The following PARD3B variants were observed in gnomAD, a reference collection of about 807,000 sequenced individuals.
The protein encoded by PARD3B is partitioning defective 3 homolog B.
PARD3B carries 103 observed loss-of-function variants against 130.2 expected under a neutral mutation model. The ratio of observed to expected loss-of-function variants is 0.79; its 90% CI spans 0.67 to 0.93. The LOEUF (loss-of-function observed/expected upper bound fraction) is 0.93. PARD3B is among the 40% of genes least tolerant of loss of function. The probability of loss-of-function intolerance (pLI) is 0.00; values close to 1 mark genes in which losing one functional copy is unlikely to be tolerated. For missense variants in PARD3B, 1,609 were observed against 1,499.2 expected, an observed-to-expected ratio of 1.07 and a Z score of -1.21; for synonymous variants, 583 against 553.2, an observed-to-expected ratio of 1.05 and a Z score of -0.76.
intron 3 of PARD3B, among the ~76,000 whole-genome samples, chr2:204,965,855 G>A (rs938248560): frequency 6.6e-6 from 1 of 152,146 alleles, no homozygotes; most frequent in Admixed American, 6.5e-5. Context: ...TGTAGAATGA[G>A]AAAGTAAATA....
intron 1 of PARD3B, among the ~76,000 whole-genome samples, chr2:204,656,201 G>GA (rs1200736804): frequency 6.6e-6 from 1 of 152,170 alleles, no homozygotes; most frequent in Non-Finnish European, 1.5e-5. Context: ...AAGTGCTGCA[G>GA]AGTTGCATGG....
intron 20 of PARD3B, among the ~76,000 whole-genome samples, chr2:205,467,480 A>G (rs2048668617): frequency 6.6e-6 from 1 of 152,228 alleles, no homozygotes; most frequent in Non-Finnish European, 1.5e-5. Context: ...TAAATATTTC[A>G]ATAACCTCGT....
At chr2:204,936,721 A>G (rs1052760133) in intron 2 of PARD3B, among the ~76,000 whole-genome samples, 1 of 152,190 alleles carries the variant, frequency 6.6e-6, no homozygotes, top group Non-Finnish European at 1.5e-5. Flanking sequence ...TCTTGTTTTA[A>G]TATGAGTTTA....
At chr2:205,107,486 A>G (rs1179764401) in intron 5 of PARD3B, among the ~76,000 whole-genome samples, 1 of 152,226 alleles carries the variant, frequency 6.6e-6, no homozygotes, top group Non-Finnish European at 1.5e-5. Flanking sequence ...GCTAAATGAA[A>G]GGCTGAAGAA....
intron 4 of PARD3B, among the ~76,000 whole-genome samples, chr2:205,081,208 A>G (rs1701385178): frequency 6.6e-6 from 1 of 152,004 alleles, no homozygotes; most frequent in South Asian, 2.1e-4. Context: ...AATCATAAGC[A>G]TATTCTTTCC....
In PARD3B at chr2:205,187,140, A is replaced by G. The variant is rs2036148271; in HGVS notation, c.2024+1277A>G. ...GGCAGAGGAGAATGCCTCCAGATAA[A>G]GGAATCAGGGAAAATACTATGGTAA... On this transcript the variant is annotated intron_variant, in intron 14 of 22. Transcript: ENST00000406610. The surrounding 1 kb of genome is among the most constrained non-coding windows in gnomAD (Gnocchi z 4.9). 6.6e-6 allele frequency among the ~76,000 whole-genome samples: 1 copy of G among 152,210 alleles called. No homozygotes were observed. The highest frequency in any genetic ancestry group is 2.4e-5 in the African/African-American group (1 of 41,460).
intron 21 of PARD3B, among the ~76,000 whole-genome samples, chr2:205,511,329 A>G (rs964417488): frequency 1.3e-5 from 2 of 152,226 alleles, no homozygotes; most frequent in Admixed American, 6.5e-5. Flanking sequence ...TCAGGAACAC[A>G]TGATTTTTCC....
rs936501177 is a variant in PARD3B, at chr2:205,160,965, G to T, written c.1620+2058G>T. ...CTAGAGAGCAGGGCCTGTTCGCCTG[G>T]AGGTGTCTTGTATGGTGCTATCATC... On this transcript the variant is annotated intron_variant, in intron 11 of 22. Transcript: ENST00000406610. The surrounding 1 kb of genome is among the most constrained non-coding windows in gnomAD (Gnocchi z 4.0). Among the ~76,000 whole-genome samples, 8 of 152,132 alleles carry T rather than the reference G, an allele frequency of 5.3e-5. No individual in the cohort carries two copies. Among genetic ancestry groups the T allele is most frequent in the Non-Finnish European group, 1.2e-4 (8 of 68,018 alleles).
intron 1 of PARD3B, among the ~76,000 whole-genome samples, chr2:204,654,095 G>T (rs907987484): frequency 1.3e-5 from 2 of 151,166 alleles, no homozygotes; most frequent in Non-Finnish European, 2.9e-5. Context: ...CTTTATCTGT[G>T]TCTCAGCAAG....
At chr2:205,299,107 T>C (rs2041896396) in intron 16 of PARD3B, among the ~76,000 whole-genome samples, 1 of 152,332 alleles carries the variant, frequency 6.6e-6, no homozygotes, top group East Asian at 1.9e-4. Context: ...ATTCATTATG[T>C]TGACTATTTT....
chr2:205,133,829 T>C (rs1304297639), intron 10 of PARD3B, among the ~76,000 whole-genome samples: 2 of 152,220 alleles, frequency 1.3e-5, no homozygotes, highest in East Asian at 1.9e-4. Flanking sequence ...GATTGTGCTT[T>C]AAAATTTCCA....
chr2:205,197,865 G>T (rs972647067), intron 15 of PARD3B, among the ~76,000 whole-genome samples: 1 of 152,190 alleles, frequency 6.6e-6, no homozygotes, highest in Non-Finnish European at 1.5e-5. Context: ...TGGGTGTTGA[G>T]TTGGAAGCTC....
At chr2:204,585,274 T>C (rs997519128) in intron 1 of PARD3B, among the ~76,000 whole-genome samples, 2 of 152,194 alleles carry the variant, frequency 1.3e-5, no homozygotes, top group Non-Finnish European at 2.9e-5. Context: ...GTGGTCTTTC[T>C]AATGTACTGA....
At chr2:204,738,155 T>C (rs528169435) in intron 2 of PARD3B, among the ~76,000 whole-genome samples, 1 of 152,300 alleles carries the variant, frequency 6.6e-6, no homozygotes, top group South Asian at 2.1e-4. Context: ...TCTGTAGATT[T>C]CTTTAGGCAG....
intron 15 of PARD3B, among the ~76,000 whole-genome samples, chr2:205,215,482 T>G (rs1225833158): frequency 6.6e-6 from 1 of 152,170 alleles, no homozygotes; most frequent in Non-Finnish European, 1.5e-5. Context: ...TCTTATAAAT[T>G]ATGGGAAAAC....
At chr2:204,657,396 C>T (rs2035674067) in intron 1 of PARD3B, among the ~76,000 whole-genome samples, 1 of 152,104 alleles carries the variant, frequency 6.6e-6, no homozygotes, top group African/African-American at 2.4e-5. Flanking sequence ...GTCCCAGCTA[C>T]TTGGGAGACT....
At chr2:205,408,836 C>T (rs1407912963) in intron 19 of PARD3B, among the ~76,000 whole-genome samples, 1 of 152,018 alleles carries the variant, frequency 6.6e-6, no homozygotes, top group African/African-American at 2.4e-5. Context: ...TTTTCTAGGT[C>T]CTGTGGTTTG....
At chr2:205,605,400 G>C (rs1360109245) in intron 22 of PARD3B, among the ~76,000 whole-genome samples, 1 of 152,102 alleles carries the variant, frequency 6.6e-6, no homozygotes, top group Non-Finnish European at 1.5e-5. Flanking sequence ...GGGTTTTTAT[G>C]GGGTTTTTTG....
chr2:205,615,821 C>A lies in PARD3B; in HGVS notation c.*8C>A. The A allele has an allele frequency of 6.2e-7, 1 of 1,601,190 alleles. No homozygotes were observed. ...ATGACTGCAGCCGTATAGCTGAGTG[C>A]CACCGAGGCCAGCCCGGTCCAGAAA... On this transcript the variant is annotated 3_prime_UTR_variant, in exon 23 of 23. Coordinates refer to ENST00000406610, the MANE Select transcript of PARD3B (RefSeq NM_001302769.2).
Sources: allele counts gnomAD v4.1 joint callset (sites outside exome capture counted in the v4.1 genomes callset), GRCh38; gene constraint gnomAD v4.1.1; non-coding constraint Gnocchi (gnomAD v3.1); transcripts MANE v1.5; gene names NCBI Gene and HGNC (gene_info 2026-07-23, HGNC 2026-07-21).